Variants in MYRIP observed in about 807,000 individuals in gnomAD.
MYRIP encodes myosin VIIA and Rab interacting protein.
A neutral mutation model predicts 98.0 loss-of-function variants in MYRIP; 49 were observed. That is an observed-to-expected ratio of 0.50 (90% CI 0.40 to 0.63). The LOEUF is 0.63. Among genes scored for constraint, MYRIP ranks in the 30% least tolerant of loss-of-function variants. The pLI is 0.00. For synonymous variants in MYRIP, 404 were observed against 409.5 expected (o/e 0.99, Z 0.16); for missense variants, 1,004 against 1,058.2 (o/e 0.95, Z 0.71).
chr3:39,974,631 A>T (rs1006079777), intron 2 of MYRIP, among the ~76,000 whole-genome samples: 1 of 152,204 alleles, frequency 6.6e-6, no homozygotes, highest in African/African-American at 2.4e-5. Flanking sequence ...CCTGATGAAC[A>T]TCGATGCTAA....
intron 10 of MYRIP, among the ~76,000 whole-genome samples, chr3:40,207,325 C>A (rs2125661340): frequency 6.6e-6 from 1 of 152,284 alleles, no homozygotes; most frequent in Non-Finnish European, 1.5e-5. Context: ...ATTTTGAGAA[C>A]CTGCTCAGAG....
At chr3:39,975,082 T>A (rs543493353) in intron 2 of MYRIP, among the ~76,000 whole-genome samples, 1 of 152,188 alleles carries the variant, frequency 6.6e-6, no homozygotes, top group Non-Finnish European at 1.5e-5. Context: ...GGGTATTCAA[T>A]TAGGAAAAAG....
chr3:40,194,214 C>T (rs1268205980), intron 10 of MYRIP, among the ~76,000 whole-genome samples: 1 of 151,878 alleles, frequency 6.6e-6, no homozygotes, highest in African/African-American at 2.4e-5. Context: ...TCAGTTTAGC[C>T]CCTTAGACCG....
At position 40,169,956 on chromosome 3, in the gene MYRIP, C is replaced by T. The variant is rs1482400438; in HGVS notation, c.736C>T (p.Arg246Ter). 13 of 1,614,144 alleles carry T rather than the reference C, an allele frequency of 8.1e-6. 1 individual carries two copies. Among genetic ancestry groups the T allele is most frequent in the East Asian group, 4.5e-5 (2 of 44,878 alleles). The change falls in exon 8 of 17, where the codon CGA (arginine) becomes TGA (stop). Residue 246 changes from arginine (R) to a stop codon, truncating the protein, a stop_gained. Transcript: ENST00000302541. LOFTEE classifies it high-confidence loss of function. ...TTTGTCCTCCCCTCCCCAGATTATA[C>T]GAAAACAGAAGAGCAAAAGTGAGCA... ...LATTILQKIIRKQKSKSEQQV... is the reference protein window; with the variant it reads ...LATTILQKII
intron 2 of MYRIP, among the ~76,000 whole-genome samples, chr3:39,999,675 G>T (rs934351822): frequency 6.6e-6 from 1 of 152,032 alleles, no homozygotes; most frequent in Non-Finnish European, 1.5e-5. Context: ...CCCATTACTG[G>T]GTATATACCT....
At chr3:39,872,521 T>A in intron 1 of MYRIP, among the ~76,000 whole-genome samples, 1 of 132,710 alleles carries the variant, frequency 7.5e-6, no homozygotes, top group East Asian at 2.6e-4. Flanking sequence ...CAGAGTGTGA[T>A]GTTCCCCTTC....
intron 11 of MYRIP, among the ~76,000 whole-genome samples, chr3:40,214,461 T>G (rs1459220661): frequency 6.6e-6 from 1 of 152,240 alleles, no homozygotes; most frequent in Non-Finnish European, 1.5e-5. Context: ...ACATACTTTT[T>G]CCTGATGTGA....
chr3:40,217,782 T>C (rs1575645743), intron 11 of MYRIP, among the ~76,000 whole-genome samples: 1 of 152,136 alleles, frequency 6.6e-6, no homozygotes, highest in South Asian at 2.1e-4. Flanking sequence ...GAAATTACTA[T>C]TAAATGACAG....
intron 4 of MYRIP, among the ~76,000 whole-genome samples, chr3:40,157,617 T>C (rs62261799): frequency 0.39 from 55,277 of 142,868 alleles, 12,158 homozygotes; most frequent in Non-Finnish European, 0.5. Flanking sequence ...TGTGAATCCA[T>C]CTGGTCCTGG....
chr3:39,984,038 T>C (rs1181032946), intron 2 of MYRIP, among the ~76,000 whole-genome samples: 2 of 152,218 alleles, frequency 1.3e-5, no homozygotes, highest in Admixed American at 1.3e-4. Flanking sequence ...TTTAGTATAT[T>C]GGTGCAGCAG....
chr3:39,840,451 G>C (rs1271838679), intron 1 of MYRIP, among the ~76,000 whole-genome samples: 1 of 151,974 alleles, frequency 6.6e-6, no homozygotes, highest in East Asian at 1.9e-4. Context: ...TTTTAATTGG[G>C]GCATTTAGCC....
At chr3:40,230,410 G>A (rs1202290543) in intron 11 of MYRIP, among the ~76,000 whole-genome samples, 2 of 152,192 alleles carry the variant, frequency 1.3e-5, no homozygotes, top group African/African-American at 2.4e-5. Flanking sequence ...CCCATCCAGT[G>A]CTAAATATAA....
chr3:40,151,899 G>T (rs1383177499), intron 4 of MYRIP, among the ~76,000 whole-genome samples: 1 of 152,032 alleles, frequency 6.6e-6, no homozygotes, highest in Non-Finnish European at 1.5e-5. Flanking sequence ...CAAGGAAGAA[G>T]AAAAAACCTC....
intron 3 of MYRIP, among the ~76,000 whole-genome samples, chr3:40,148,440 T>C (rs1393213693): frequency 6.6e-6 from 1 of 152,200 alleles, no homozygotes; most frequent in Non-Finnish European, 1.5e-5. Flanking sequence ...ACCTCCTGAA[T>C]TGATCCCCCA....
intron 8 of MYRIP, chr3:40,173,405 A>G (rs1470488639): frequency 6.6e-6 from 1 of 152,110 alleles, no homozygotes; most frequent in Admixed American, 6.5e-5. Flanking sequence ...TGTCATGCAT[A>G]TGGTTAAAGC....
At chr3:40,251,856 T>C (rs756914649) in intron 15 of MYRIP, 25 bp from the exon 16 acceptor site, 6 of 1,495,752 alleles carry the variant, frequency 4.0e-6, no homozygotes, top group Admixed American at 3.4e-5. Flanking sequence ...CTGGGTAACA[T>C]TTTTTCCCAT....
At chr3:39,844,800 C>T (rs533790023) in intron 1 of MYRIP, among the ~76,000 whole-genome samples, 15 of 152,290 alleles carry the variant, frequency 9.8e-5, no homozygotes, top group African/African-American at 3.1e-4. Flanking sequence ...TCTACAATTT[C>T]CCAAAGGTCC....
chr3:40,040,994 G>GAAAATATTACCAGCAGAAAAAAAAAAA (rs1947506214), intron 2 of MYRIP, among the ~76,000 whole-genome samples: 2 of 8,248 alleles, frequency 2.4e-4, no homozygotes, highest in Non-Finnish European at 3.2e-4. Context: ...AAAAAAAAAA[G>GAAAATATTACCAGCAGAAAAAAAAAAA]AAAAAAAAAA....
intron 1 of MYRIP, among the ~76,000 whole-genome samples, chr3:39,896,847 T>C (rs1448663395): frequency 6.6e-6 from 1 of 152,076 alleles, no homozygotes; most frequent in Non-Finnish European, 1.5e-5. Flanking sequence ...ATTCTTGTAA[T>C]TTCTCTGTTT....
Sources: gnomAD v4.1 joint callset for allele counts (sites outside exome capture counted in the v4.1 genomes callset) on GRCh38, gnomAD v4.1.1 for gene constraint, MANE v1.5 for transcripts, NCBI Gene and HGNC (gene_info 2026-07-23, HGNC 2026-07-21) for gene names.